The following ZCCHC7 variants were observed in gnomAD, a reference collection of about 807,000 sequenced individuals.
The protein encoded by ZCCHC7 is zinc finger CCHC domain-containing protein 7.
In ZCCHC7, 35 loss-of-function variants were observed where a neutral mutation model predicts 52.0. That is an observed-to-expected ratio of 0.67 (90% CI 0.51 to 0.89). The LOEUF (loss-of-function observed/expected upper bound fraction) is 0.89, where lower values mean the gene tolerates loss of function less well. ZCCHC7 is among the 40% of genes least tolerant of loss of function. ZCCHC7 has a pLI of 0.00. For missense variants in ZCCHC7, 574 were observed against 649.1 expected, an observed-to-expected ratio of 0.88 and a Z score of 1.26; for synonymous variants, 217 against 221.5, an observed-to-expected ratio of 0.98 and a Z score of 0.18.
intron 2 of ZCCHC7, among the ~76,000 whole-genome samples, chr9:37,200,390 C>T (rs1030451416): frequency 2.0e-5 from 3 of 152,202 alleles, no homozygotes; most frequent in African/African-American, 7.2e-5. Flanking sequence ...AAGTTTTCCC[C>T]TTCATTTATG....
chr9:37,354,860 A>G lies in ZCCHC7; in HGVS notation c.1198+36A>G, dbSNP rs1449881109. On this transcript the variant is annotated intron_variant, in intron 8 of 8. Coordinates refer to ENST00000336755, the MANE Select transcript of ZCCHC7 (RefSeq NM_032226.3). The surrounding 1 kb of genome is among the most constrained non-coding windows in gnomAD (Gnocchi z 4.0). ...AGACTTCTTGTTAGATCACATTTGC[A>G]GTAGTTTCTAAATTTCTTTGTTTGT... 6 of 1,395,044 alleles carry G rather than the reference A, an allele frequency of 4.3e-6. No individual in the cohort carries two copies. The highest frequency in any genetic ancestry group is 2.3e-5 in the East Asian group (1 of 43,660). The allele number at this position is 1,395,044 out of a possible 1,614,324, so 86.4% of individuals were successfully genotyped here. A position where few individuals can be genotyped will look rare whatever the true frequency, so the allele number is the denominator to read the frequency against.
chr9:37,192,028 A>G (rs1240356222), intron 2 of ZCCHC7, among the ~76,000 whole-genome samples: 1 of 152,262 alleles, frequency 6.6e-6, no homozygotes, highest in African/African-American at 2.4e-5. Context: ...TAATGTTGCA[A>G]TGATAATTTG....
At chr9:37,243,008 G>A (rs753992750) in intron 2 of ZCCHC7, among the ~76,000 whole-genome samples, 1 of 151,692 alleles carries the variant, frequency 6.6e-6, no homozygotes, top group Non-Finnish European at 1.5e-5. Flanking sequence ...GACATAAGAA[G>A]CACATTTATT....
intron 7 of ZCCHC7, 68 bp downstream of exon 7, chr9:37,349,520 CA>C: frequency 7.1e-7 from 1 of 1,411,998 alleles, no homozygotes; most frequent in South Asian, 1.2e-5. Context: ...AAGATGAACT[CA>C]AAAAGAATGT....
chr9:37,228,344 T>A (rs1051731191), intron 2 of ZCCHC7, among the ~76,000 whole-genome samples: 1 of 152,162 alleles, frequency 6.6e-6, no homozygotes, highest in African/African-American at 2.4e-5. Flanking sequence ...TTTTTCAAAA[T>A]TTATTGTAAA....
Position 37,337,768 on chromosome 9 carries a change from C to T in ZCCHC7, c.987+9934C>T, listed in dbSNP as rs537034442. Among the ~76,000 whole-genome samples the T allele has an allele frequency of 5.3e-5, 8 of 152,088 alleles. No individual in the cohort carries two copies. In the South Asian group the frequency reaches 6.2e-4, roughly 12 times the overall value. ...ATACCTATAATATCTTTCCAGGAAA[C>T]GATTTTCACTTAATGTTGCACATTA... On this transcript the variant is annotated intron_variant, in intron 6 of 8. Coordinates refer to ENST00000336755, the MANE Select transcript of ZCCHC7 (RefSeq NM_032226.3).
At chr9:37,315,641 G>A (rs1207741522) in intron 5 of ZCCHC7, among the ~76,000 whole-genome samples, 3 of 151,298 alleles carry the variant, frequency 2.0e-5, no homozygotes, top group Non-Finnish European at 4.4e-5. Flanking sequence ...AGGAAGACAT[G>A]GCTCAATTTT....
chr9:37,315,193 A>C (rs945725530), intron 5 of ZCCHC7, among the ~76,000 whole-genome samples: 4 of 152,084 alleles, frequency 2.6e-5, no homozygotes, highest in Non-Finnish European at 5.9e-5. Flanking sequence ...TACATATATA[A>C]ACAATGATAA....
intron 7 of ZCCHC7, among the ~76,000 whole-genome samples, chr9:37,351,753 C>G (rs1010361453): frequency 1.3e-5 from 2 of 152,140 alleles, no homozygotes; most frequent in African/African-American, 4.8e-5. Context: ...CATAGATGTA[C>G]AATTTTTGCT....
chr9:37,323,733 C>G (rs951181587), intron 5 of ZCCHC7, among the ~76,000 whole-genome samples: 1 of 152,074 alleles, frequency 6.6e-6, no homozygotes, highest in African/African-American at 2.4e-5. Flanking sequence ...TGATTGACGG[C>G]AAATGCTAGG....
chr9:37,132,661 A>G (rs954274582), intron 2 of ZCCHC7, among the ~76,000 whole-genome samples: 1 of 152,090 alleles, frequency 6.6e-6, no homozygotes, highest in Non-Finnish European at 1.5e-5. Flanking sequence ...ATGGATACCA[A>G]AATCTATGGA....
At chr9:37,191,022 CAA>C (rs1225816158) in intron 2 of ZCCHC7, among the ~76,000 whole-genome samples, 23 of 105,676 alleles carry the variant, frequency 2.2e-4, no homozygotes, top group Admixed American at 5.2e-4. Flanking sequence ...AACTCCGTCT[CAA>C]AAAAAAAAAA....
intron 2 of ZCCHC7, among the ~76,000 whole-genome samples, chr9:37,255,297 G>A (rs1411507013): frequency 6.6e-6 from 1 of 152,050 alleles, no homozygotes; most frequent in African/African-American, 2.4e-5. Context: ...GGCATTGTAA[G>A]CATTGTGATG....
intron 2 of ZCCHC7, among the ~76,000 whole-genome samples, chr9:37,258,881 A>G (rs1446889010): frequency 6.6e-6 from 1 of 151,754 alleles, no homozygotes; most frequent in Non-Finnish European, 1.5e-5. Flanking sequence ...CCAGGCTTTT[A>G]AGATCAGGAT....
chr9:37,145,113 C>T (rs1055365602), intron 2 of ZCCHC7: 1 of 151,850 alleles, frequency 6.6e-6, no homozygotes, highest in Non-Finnish European at 1.5e-5. Flanking sequence ...TTTTGTCAGC[C>T]TTCGTCTTGT....
At chr9:37,337,558 C>T (rs781051279) in intron 6 of ZCCHC7, among the ~76,000 whole-genome samples, 5 of 151,902 alleles carry the variant, frequency 3.3e-5, no homozygotes, top group Admixed American at 6.6e-5. Context: ...AGTTTCCAGG[C>T]GGATTTGAAT....
chr9:37,148,093 T>C (rs1712938871), intron 2 of ZCCHC7, among the ~76,000 whole-genome samples: 1 of 152,132 alleles, frequency 6.6e-6, no homozygotes, highest in African/African-American at 2.4e-5. Context: ...AGACATTGAA[T>C]TGAAAGATTT....
At chr9:37,287,686 C>CA (rs966509669) in intron 2 of ZCCHC7, among the ~76,000 whole-genome samples, 6 of 152,012 alleles carry the variant, frequency 3.9e-5, no homozygotes, top group Non-Finnish European at 8.8e-5. Context: ...TTTTTACACA[C>CA]AAAAAAGTAC....
At chr9:37,247,401 T>C (rs555006245) in intron 2 of ZCCHC7, among the ~76,000 whole-genome samples, 1 of 152,312 alleles carries the variant, frequency 6.6e-6, no homozygotes, top group East Asian at 1.9e-4. Flanking sequence ...CAATGAGAGA[T>C]CAGTGACCTT....
Sources: allele counts gnomAD v4.1 joint callset (sites outside exome capture counted in the v4.1 genomes callset), GRCh38; gene constraint gnomAD v4.1.1; non-coding constraint Gnocchi (gnomAD v3.1); transcripts MANE v1.5; gene names NCBI Gene and HGNC (gene_info 2026-07-23, HGNC 2026-07-21).